PRAM1: variants seen among roughly 807,000 people sequenced by gnomAD.
PRAM1 encodes PML-RARA-regulated adapter molecule 1.
Under a neutral mutation model 55.3 loss-of-function variants are expected in PRAM1, and 41 were observed. That is an observed-to-expected ratio of 0.74 (90% CI 0.58 to 0.96). PRAM1 has a LOEUF of 0.96. Among genes scored for constraint, PRAM1 ranks in the 40% least tolerant of loss-of-function variants. The pLI, the probability that PRAM1 is intolerant of heterozygous loss-of-function variation, is 0.00. For synonymous variants in PRAM1, 401 were observed against 387.1 expected, an observed-to-expected ratio of 1.04 and a Z score of -0.42; for missense variants, 898 against 892.7, an observed-to-expected ratio of 1.01 and a Z score of -0.08.
chr19:8,492,863 G>C (rs1240214512), intron 4 of PRAM1, among the ~76,000 whole-genome samples: 1 of 151,988 alleles, frequency 6.6e-6, no homozygotes, highest in African/African-American at 2.4e-5. Context: ...CGGGTGTGGT[G>C]GTGGGCGCCC....
rs1414759866 is a variant in PRAM1, at chr19:8,490,058, C to T, written c.*131G>A. ...AAGAAAAGACAAGAAGCAGGGACTG[C>T]TTTAAACTGGGGCTTTATGTGGCCA... On this transcript the variant is annotated 3_prime_UTR_variant, in exon 10 of 10. Transcript: ENST00000423345. This position sits in a 1 kb window ranked among gnomAD's most constrained non-coding sequence, Gnocchi z 7.3. 2.2e-6 allele frequency: 2 copies of T among 914,332 alleles called. No individual in the cohort carries two copies. The highest frequency in any genetic ancestry group is 5.8e-5 in the Admixed American group (2 of 34,352). 56.6% of individuals were successfully genotyped at this position (914,332 alleles called of 1,614,324 possible). A position where few individuals can be genotyped will look rare whatever the true frequency, so the allele number is the denominator to read the frequency against.
In PRAM1 at chr19:8,490,056, T is replaced by G. The variant is rs1381755970; in HGVS notation, c.*133A>C. On this transcript the variant is annotated 3_prime_UTR_variant, in exon 10 of 10. Coordinates refer to ENST00000423345, the MANE Select transcript of PRAM1 (RefSeq NM_032152.5). This position sits in a 1 kb window ranked among gnomAD's most constrained non-coding sequence, Gnocchi z 7.3. ...GAAAGAAAAGACAAGAAGCAGGGACTGCTTTAAACTGGGGCTTTATGTGGC... is the reference window on the plus strand; with the variant it reads ...GAAAGAAAAGACAAGAAGCAGGGACGGCTTTAAACTGGGGCTTTATGTGGC... 2 of 867,402 alleles carry G rather than the reference T, an allele frequency of 2.3e-6. No homozygotes were observed. Among genetic ancestry groups the G allele is most frequent in the Non-Finnish European group, 3.5e-6 (2 of 575,434 alleles). 53.7% of individuals were successfully genotyped at this position (867,402 alleles called of 1,614,324 possible).
rs376861379 is a variant in PRAM1, at chr19:8,498,192, G to A, written c.1499+31C>T. 1.1e-4 allele frequency: 174 copies of A among 1,601,960 alleles called. 1 individual carries two copies. The East Asian group carries it at 1.4e-3, about 13-fold the overall frequency. ...GAGGCCTCTTTGAGCCCCACAATCCGCACCCACCTCCGCTTCCTCCCCACA... is the reference window on the plus strand; with the variant it reads ...GAGGCCTCTTTGAGCCCCACAATCCACACCCACCTCCGCTTCCTCCCCACA... On this transcript the variant is annotated intron_variant, in intron 3 of 9. Coordinates refer to ENST00000423345, the MANE Select transcript of PRAM1 (RefSeq NM_032152.5).
rs773534887 is a variant in PRAM1, at chr19:8,501,507, ATTTT to A, written c.27+1054_27+1057del. Among the ~76,000 whole-genome samples, 46 of 102,846 alleles carry A rather than the reference ATTTT, an allele frequency of 4.5e-4. No homozygotes were observed. In the East Asian group the frequency reaches 6.8e-3, roughly 15 times the overall value. The allele number at this position is 102,846 out of a possible 152,430, so 67.5% of individuals were successfully genotyped here. A position where few individuals can be genotyped will look rare whatever the true frequency, so the allele number is the denominator to read the frequency against. ...TTTACATTGTTTTTAATGTGTCTTG[ATTTT>A]TTTTTTTTTTTTTTTTTGTCTCTCT... is the stretch of plus-strand genomic sequence containing the variant. On this transcript the variant is annotated intron_variant, in intron 1 of 9. Transcript: ENST00000423345.
chr19:8,497,810 G>A lies in PRAM1; in HGVS notation c.1530C>T (p.Asp510=), dbSNP rs547147970. 246 of 1,611,338 alleles carry A rather than the reference G, an allele frequency of 1.5e-4. No homozygotes were observed. The East Asian group carries it at 4.0e-3, about 26-fold the overall frequency. ...QVPDEIYELY[D]DVEPRDDSSP... ...TGGAGTCATCTCTGGGTTCCACATC[G>A]TCATACAGCTCGTAGATCTCATCTG... The change falls in exon 4 of 10, where the codon GAC becomes GAT. Residue 510 remains aspartate (D), a synonymous_variant. Coordinates refer to ENST00000423345, the MANE Select transcript of PRAM1 (RefSeq NM_032152.5).
Position 8,491,115 on chromosome 19 carries a change from TGTG to T in PRAM1, c.1616_1618del (p.Pro539del), listed in dbSNP as rs779212165. On this transcript the variant is annotated inframe_deletion, in exon 5 of 10. Coordinates refer to ENST00000423345, the MANE Select transcript of PRAM1 (RefSeq NM_032152.5). ...CCCATGGCACCTGAGCGCTGGGTCT[TGTG>T]GTGGCCTCCTGGCGGCTTGCTGAAC... 6.6e-5 allele frequency: 106 copies of T among 1,612,146 alleles called. No homozygotes were observed. The Middle Eastern group carries it at 8.2e-4, about 13-fold the overall frequency.
chr19:8,493,139 C>A lies in PRAM1; in HGVS notation c.1577-1982G>T, dbSNP rs759215678. ...ACTTCCTGGCAAATGACCAGGCTCC[C>A]AAGTCAGAGCCCTGCTGGCCAAGGA... On this transcript the variant is annotated intron_variant, in intron 4 of 9. Transcript: ENST00000423345. The surrounding 1 kb of genome is among the most constrained non-coding windows in gnomAD (Gnocchi z 4.1). Among the ~76,000 whole-genome samples, 3 of 152,214 alleles carry A rather than the reference C, an allele frequency of 2.0e-5. No homozygotes were observed. The highest frequency in any genetic ancestry group is 4.8e-5 in the African/African-American group (2 of 41,454).
intron 4 of PRAM1, among the ~76,000 whole-genome samples, chr19:8,494,222 C>T (rs1301353096): frequency 2.6e-5 from 4 of 152,148 alleles, no homozygotes; most frequent in Non-Finnish European, 5.9e-5. Flanking sequence ...GGCAGATGCT[C>T]CTAGCCTCGG....
At chr19:8,499,929 G>T in intron 1 of PRAM1, 149 bp from the exon 2 acceptor site, 1 of 661,590 alleles carries the variant, frequency 1.5e-6, no homozygotes, top group Non-Finnish European at 2.5e-6. Context: ...GAGCCCCCAT[G>T]GATCCTAGGA....
chr19:8,498,089 A>G, intron 3 of PRAM1, 134 bp downstream of exon 3: 1 of 963,704 alleles, frequency 1.0e-6, no homozygotes, highest in Non-Finnish European at 1.5e-6. Flanking sequence ...CACGTTGGCC[A>G]GGCTGTTGTC....
Position 8,490,606 on chromosome 19 carries a change from G to A in PRAM1, c.1894C>T (p.Pro632Ser), listed in dbSNP as rs773394522. The A allele has an allele frequency of 2.5e-6, 4 of 1,585,196 alleles. No individual in the cohort carries two copies. The highest frequency in any genetic ancestry group is 3.4e-6 in the Non-Finnish European group (4 of 1,165,722). ...CGGGCGCACTCACATTTGCCTTTGG[G>A]GTCCCGGCACAGCATCTCCTCATTG... ...TSNEEMLCRD[P>S]KGKYGYVPRT... Residue 632 changes from proline to serine, a missense_variant, in exon 7 of 10, where the codon CCC becomes TCC. By Grantham distance (74) the Pro-to-Ser change is moderately conservative. Transcript: ENST00000423345. This position sits in a 1 kb window ranked among gnomAD's most constrained non-coding sequence, Gnocchi z 7.3.
rs1971740678 is a variant in PRAM1, at chr19:8,498,616, C to T, written c.1192G>A (p.Ala398Thr). 6.2e-7 allele frequency: 1 copy of T among 1,612,514 alleles called. No individual in the cohort carries two copies. The highest frequency in any genetic ancestry group is 1.3e-5 in the African/African-American group (1 of 75,052). Reference protein sequence around the residue: ...ASESSLPAAVAGFSSRHPLSP... With the variant: ...ASESSLPAAVTGFSSRHPLSP... ...AGCGGGTGCCGGGAGCTGAAGCCGGCCACGGCCGCAGGCAGTGAGCTCTCG... is the reference window on the plus strand; with the variant it reads ...AGCGGGTGCCGGGAGCTGAAGCCGGTCACGGCCGCAGGCAGTGAGCTCTCG... The change falls in exon 2 of 10, where the codon GCC becomes ACC. Residue 398 changes from alanine (A) to threonine (T), a missense_variant. Physicochemically the swap from Ala to Thr is moderately conservative, Grantham distance 58. This residue lies in a region of PRAM1 where 787 missense variants were observed against 735.4 expected (regional missense o/e 1.07). Transcript: ENST00000423345.
At chr19:8,501,086 TTTTC>T (rs1347943360) in intron 1 of PRAM1, among the ~76,000 whole-genome samples, 28 of 147,318 alleles carry the variant, frequency 1.9e-4, no homozygotes, top group East Asian at 6.0e-4. Context: ...ACCACCCTAT[TTTTC>T]TTTCTTTCTT....
chr19:8,497,759 C>A lies in PRAM1; in HGVS notation c.1576+5G>T. 1.2e-6 allele frequency: 2 copies of A among 1,601,156 alleles called. No homozygotes were observed. The highest frequency in any genetic ancestry group is 1.7e-6 in the Non-Finnish European group (2 of 1,176,488). ...TGCAGGGACTCGGGCAGGCCACCAA[C>A]AAACCTCTGCCCTTGGGGCTGGGGC... On this transcript the variant is annotated splice_donor_5th_base_variant and intron_variant, in intron 4 of 9. Coordinates refer to ENST00000423345, the MANE Select transcript of PRAM1 (RefSeq NM_032152.5).
chr19:8,497,674 A>T, intron 4 of PRAM1, 90 bp downstream of exon 4: 1 of 1,124,372 alleles, frequency 8.9e-7, no homozygotes, highest in Non-Finnish European at 1.3e-6. Flanking sequence ...AGCAGGTCCT[A>T]AAATGTTACT....
At chr19:8,500,636 C>T (rs897409750) in intron 1 of PRAM1, among the ~76,000 whole-genome samples, 7 of 152,336 alleles carry the variant, frequency 4.6e-5, no homozygotes, top group East Asian at 1.9e-4. Context: ...CACTTCCCTC[C>T]GACCTCGGGG....
intron 1 of PRAM1, among the ~76,000 whole-genome samples, chr19:8,501,825 G>A (rs1307348872): frequency 1.3e-5 from 2 of 152,108 alleles, no homozygotes; most frequent in East Asian, 3.9e-4. Flanking sequence ...AGACACCGTG[G>A]GCACAGGCGC....
At chr19:8,496,788 A>C (rs993703562) in intron 4 of PRAM1, among the ~76,000 whole-genome samples, 2 of 152,160 alleles carry the variant, frequency 1.3e-5, no homozygotes, top group African/African-American at 4.8e-5. Flanking sequence ...CTGTAATCCC[A>C]GCACTTTGGG....
chr19:8,499,853 C>T, intron 1 of PRAM1, 73 bp from the exon 2 acceptor site: 1 of 1,327,674 alleles, frequency 7.5e-7, no homozygotes, highest in African/African-American at 1.5e-5. Flanking sequence ...GCCTGGGGAC[C>T]CTCAGGCACA....
Sources: allele counts gnomAD v4.1 joint callset (sites outside exome capture counted in the v4.1 genomes callset), GRCh38; gene constraint gnomAD v4.1.1; regional missense constraint gnomAD v4.1.1; non-coding constraint Gnocchi (gnomAD v3.1); transcripts MANE v1.5; gene names NCBI Gene and HGNC (gene_info 2026-07-23, HGNC 2026-07-21).